ACAD9: variants seen among roughly 807,000 people sequenced by gnomAD.
ACAD9 encodes complex I assembly factor ACAD9, mitochondrial.
In ACAD9, 53 loss-of-function variants were observed where a neutral mutation model predicts 70.2. That is an observed-to-expected ratio of 0.75 (90% confidence interval 0.61 to 0.95). The LOEUF (loss-of-function observed/expected upper bound fraction) is 0.95. Among genes scored for constraint, ACAD9 ranks in the 40% least tolerant of loss-of-function variants. The pLI, the probability that ACAD9 is intolerant of heterozygous loss-of-function variation, is 0.00. For missense variants in ACAD9, 777 were observed against 802.8 expected, an observed-to-expected ratio of 0.97 and a Z score of 0.39; for synonymous variants, 313 against 312.1, an observed-to-expected ratio of 1.00 and a Z score of -0.03.
intron 2 of ACAD9, among the ~76,000 whole-genome samples, chr3:128,886,880 G>C (rs978171195): frequency 6.6e-6 from 1 of 151,466 alleles, no homozygotes; most frequent in Non-Finnish European, 1.5e-5. Context: ...CCACTGTGCA[G>C]TCTTTTTTTT....
intron 15 of ACAD9, 28 bp from the exon 16 acceptor site, chr3:128,909,993 T>A (rs750199589): frequency 6.2e-7 from 1 of 1,611,332 alleles, no homozygotes; most frequent in Non-Finnish European, 8.5e-7. Context: ...AGGTAGTGAG[T>A]CCCCACTTGG....
At chr3:128,899,225 C>T (rs1935658349) in intron 6 of ACAD9, 62 bp from the exon 7 acceptor site, 2 of 1,569,838 alleles carry the variant, frequency 1.3e-6, no homozygotes, top group South Asian at 2.2e-5. Flanking sequence ...TGGACAAAGA[C>T]AGAGCTGAGG....
chr3:128,884,093 C>T (rs1486034220), intron 1 of ACAD9, among the ~76,000 whole-genome samples: 2 of 152,176 alleles, frequency 1.3e-5, no homozygotes, highest in African/African-American at 4.8e-5. Context: ...CTGTAGGGAT[C>T]GATGAGACTT....
chr3:128,910,212 GA>G, intron 16 of ACAD9, 63 bp downstream of exon 16: 1 of 1,610,856 alleles, frequency 6.2e-7, no homozygotes, highest in Admixed American at 1.7e-5. Context: ...GCACTTTAAT[GA>G]AGTTGATTGT....
In ACAD9 at chr3:128,879,757, C is replaced by T. The variant is rs1415792442; in HGVS notation, c.66C>T (p.Val22=). The change falls in exon 1 of 18, where the codon GTC becomes GTT. Residue 22 remains valine (V), a synonymous_variant. Transcript: ENST00000308982. ...CTCGTGCCTGCCGGGGTCTGGTGGT[C>T]TCTACCGCGAACCGGCGGCTACTGC... ...AAARACRGLV[V]STANRRLLRT... is the part of the protein sequence containing the mutation. 8 of 1,613,448 alleles carry T rather than the reference C, an allele frequency of 5.0e-6. No homozygotes were observed. Among genetic ancestry groups the T allele is most frequent in the Non-Finnish European group, 6.8e-6 (8 of 1,180,000 alleles).
chr3:128,887,260 A>T (rs1385316228), intron 2 of ACAD9, among the ~76,000 whole-genome samples: 1 of 152,116 alleles, frequency 6.6e-6, no homozygotes, highest in African/African-American at 2.4e-5. Context: ...CTTCCAGGAC[A>T]TAGGGCTCTG....
chr3:128,885,968 C>T (rs1450348590), intron 2 of ACAD9, among the ~76,000 whole-genome samples: 1 of 151,220 alleles, frequency 6.6e-6, no homozygotes, highest in African/African-American at 2.4e-5. Flanking sequence ...AGTGAGCCAA[C>T]ATTGCACCAC....
At chr3:128,881,939 C>T (rs1480510954) in intron 1 of ACAD9, among the ~76,000 whole-genome samples, 1 of 152,150 alleles carries the variant, frequency 6.6e-6, no homozygotes, top group Non-Finnish European at 1.5e-5. Flanking sequence ...TATTTAGTGT[C>T]CTGGCTTTAA....
At chr3:128,910,351 G>T in intron 16 of ACAD9, 1 of 1,467,878 alleles carries the variant, frequency 6.8e-7, no homozygotes. Flanking sequence ...AAGAGGGGGT[G>T]AGTGACAGGG....
intron 2 of ACAD9, among the ~76,000 whole-genome samples, chr3:128,892,143 G>A (rs982645035): frequency 3.3e-5 from 5 of 152,112 alleles, no homozygotes; most frequent in African/African-American, 1.2e-4. Flanking sequence ...CAGATGGATC[G>A]ATCACAAAGG....
chr3:128,883,744 G>C (rs1038972750), intron 1 of ACAD9, among the ~76,000 whole-genome samples: 1 of 152,136 alleles, frequency 6.6e-6, no homozygotes. Context: ...GTCACTTTTA[G>C]TTAGGGACTC....
chr3:128,906,268 A>G lies in ACAD9; in HGVS notation c.1278+19A>G, dbSNP rs551763326. ...CTTCGAGGTGAGTGGCCCCGCCACC[A>G]GCTAAGCTGTGCTCCACCCCCACCC... On this transcript the variant is annotated intron_variant, in intron 12 of 17. Coordinates refer to ENST00000308982, the MANE Select transcript of ACAD9 (RefSeq NM_014049.5). 4 of 1,613,184 alleles carry G rather than the reference A, an allele frequency of 2.5e-6. No homozygotes were observed. Among genetic ancestry groups the G allele is most frequent in the African/African-American group, 2.7e-5 (2 of 74,922 alleles).
Position 128,891,777 on chromosome 3 carries a change from A to G in ACAD9, c.245-1778A>G, listed in dbSNP as rs142940278. 2.6e-5 allele frequency among the ~76,000 whole-genome samples: 4 copies of G among 152,256 alleles called. No individual in the cohort carries two copies. In the East Asian group the frequency reaches 5.8e-4, roughly 22 times the overall value. ...GCTTCCATTCTTTGTTCCTTTGTAC[A>G]TAGTGTTTTTTTCATCTCTGGCTGC... On this transcript the variant is annotated intron_variant, in intron 2 of 17. Transcript: ENST00000308982.
intron 11 of ACAD9, among the ~76,000 whole-genome samples, chr3:128,905,205 A>G (rs948631139): frequency 5.9e-5 from 9 of 152,194 alleles, no homozygotes; most frequent in African/African-American, 2.2e-4. Context: ...GCGAAACCCC[A>G]TCTCTACAAA....
At chr3:128,905,007 A>G (rs1182808562) in intron 11 of ACAD9, among the ~76,000 whole-genome samples, 1 of 152,086 alleles carries the variant, frequency 6.6e-6, no homozygotes, top group Non-Finnish European at 1.5e-5. Context: ...TTAGCCGGGC[A>G]TAGTGGCGGG....
intron 8 of ACAD9, among the ~76,000 whole-genome samples, chr3:128,901,851 T>A (rs1158317604): frequency 6.6e-6 from 1 of 152,228 alleles, no homozygotes; most frequent in Non-Finnish European, 1.5e-5. Context: ...AGAAATGTTG[T>A]ACCATCCAGT....
chr3:128,908,317 G>T, intron 13 of ACAD9, 53 bp downstream of exon 13: 1 of 1,597,040 alleles, frequency 6.3e-7, no homozygotes, highest in Non-Finnish European at 8.6e-7. Context: ...GCCCAGCAGG[G>T]GCCAGTCCAG....
In ACAD9 at chr3:128,902,785, TCTC is replaced by T. The variant is rs1935778830; in HGVS notation, c.958+161_958+163del. On this transcript the variant is annotated intron_variant, in intron 9 of 17. Transcript: ENST00000308982. The surrounding 1 kb of genome is among the most constrained non-coding windows in gnomAD (Gnocchi z 4.0). ...CTGGGCTTTTGTGGAGACCAGAGGG[TCTC>T]CTCAGCCTGCCCCTGAGGTTTGTTG... 6.6e-6 allele frequency among the ~76,000 whole-genome samples: 1 copy of T among 151,818 alleles called. No homozygotes were observed. Among genetic ancestry groups the T allele is most frequent in the African/African-American group, 2.4e-5 (1 of 41,280 alleles).
intron 3 of ACAD9, among the ~76,000 whole-genome samples, chr3:128,894,872 A>AT (rs138817276): frequency 0.079 from 8,320 of 105,392 alleles, 459 homozygotes; most frequent in Non-Finnish European, 0.09. Context: ...CTGTATTGTG[A>AT]TTTTTTTTTT....
Sources: gnomAD v4.1 joint callset for allele counts (sites outside exome capture counted in the v4.1 genomes callset) on GRCh38, gnomAD v4.1.1 for gene constraint, Gnocchi (gnomAD v3.1) non-coding constraint, MANE v1.5 for transcripts, NCBI Gene and HGNC (gene_info 2026-07-23, HGNC 2026-07-21) for gene names.